VAT1L: variants seen among roughly 807,000 people sequenced by gnomAD.
VAT1L encodes putative NADPH-dependent quinone oxidoreductase VAT1L.
A neutral mutation model predicts 44.1 loss-of-function variants in VAT1L; 34 were observed. The ratio of observed to expected loss-of-function variants is 0.77; its 90% confidence interval spans 0.59 to 1.03. The LOEUF (loss-of-function observed/expected upper bound fraction) is 1.03, where lower values mean the gene tolerates loss of function less well. Ranked by LOEUF, VAT1L falls within the 50% of genes least tolerant of loss-of-function variation. The pLI is 0.00. For missense variants in VAT1L, 615 were observed against 538.8 expected (o/e 1.14, Z -1.40); for synonymous variants, 253 against 202.2 (o/e 1.25, Z -2.13).
rs528585708 is a variant in VAT1L, at chr16:77,860,351, GTGGA to G, written c.580-2396_580-2393del. Among the ~76,000 whole-genome samples, 977 of 152,294 alleles carry G rather than the reference GTGGA, an allele frequency of 6.4e-3. 9 individuals are homozygous for G. The highest frequency in any genetic ancestry group is 0.014 in the Middle Eastern group (4 of 294). On this transcript the variant is annotated intron_variant, in intron 3 of 8. Coordinates refer to ENST00000302536, the MANE Select transcript of VAT1L (RefSeq NM_020927.3). ...GATGTGTCGCTTTTGGGACAGCCAG[GTGGA>G]GACAAATGCCAAAACGATAGAGACC... is the stretch of plus-strand genomic sequence containing the variant.
chr16:77,892,957 A>T (rs2017283805), intron 7 of VAT1L: 3 of 800,074 alleles, frequency 3.7e-6, no homozygotes, highest in Non-Finnish European at 6.5e-6. Context: ...AGACCATTCT[A>T]TCTGTAGCTC....
chr16:77,918,471 C>T (rs1436734726), intron 7 of VAT1L, among the ~76,000 whole-genome samples: 1 of 152,136 alleles, frequency 6.6e-6, no homozygotes, highest in East Asian at 1.9e-4. Flanking sequence ...CACCATCATC[C>T]TGCCGTTAGA....
Position 77,788,876 on chromosome 16 carries a change from A to T in VAT1L, c.194A>T (p.Glu65Val). The change falls in exon 1 of 9, where the codon GAG becomes GTG. Residue 65 changes from glutamate (E) to valine (V), a missense_variant. Glu to Val is a moderately radical substitution (Grantham distance 121, BLOSUM62 -2). Transcript: ENST00000302536. Reference sequence around the variant, plus strand: ...CGGCTCTTCAGGAAGGCCATGCCCGAGCCTCAGGACGGCGAGCTCAAGATC... The same window carrying T: ...CGGCTCTTCAGGAAGGCCATGCCCGTGCCTCAGGACGGCGAGCTCAAGATC... ...KLRLFRKAMP[E>V]PQDGELKIRV... The T allele has an allele frequency of 6.4e-7, 1 of 1,561,846 alleles. No individual in the cohort carries two copies. The highest frequency in any genetic ancestry group is 1.4e-5 in the African/African-American group (1 of 73,474).
At chr16:77,970,704 T>A (rs1438915301) in intron 7 of VAT1L, among the ~76,000 whole-genome samples, 1 of 152,204 alleles carries the variant, frequency 6.6e-6, no homozygotes, top group African/African-American at 2.4e-5. Context: ...TTTTTCCCCA[T>A]AATTTAAATT....
At chr16:77,850,907 T>C (rs1319292906) in intron 3 of VAT1L, among the ~76,000 whole-genome samples, 3 of 152,322 alleles carry the variant, frequency 2.0e-5, no homozygotes, top group Non-Finnish European at 4.4e-5. Context: ...CCACGGTTGC[T>C]GGAGTCCAAC....
intron 7 of VAT1L, among the ~76,000 whole-genome samples, chr16:77,947,789 CTTG>C (rs753561789): frequency 2.4e-4 from 37 of 152,194 alleles, no homozygotes; most frequent in Non-Finnish European, 5.4e-4. Flanking sequence ...GAGTTTCGCT[CTTG>C]TTGTCCAGGC....
chr16:77,935,115 T>C (rs1391493607), intron 7 of VAT1L, among the ~76,000 whole-genome samples: 1 of 152,154 alleles, frequency 6.6e-6, no homozygotes, highest in Non-Finnish European at 1.5e-5. Flanking sequence ...TTCCACTTGG[T>C]CTGGACTTTC....
At chr16:77,795,200 C>T (rs754179287) in intron 1 of VAT1L, among the ~76,000 whole-genome samples, 1 of 151,252 alleles carries the variant, frequency 6.6e-6, no homozygotes, top group African/African-American at 2.4e-5. Flanking sequence ...TCCCATTTTT[C>T]CATTCTGCTG....
Position 77,807,281 on chromosome 16 carries a change from G to A in VAT1L, c.234-9640G>A, listed in dbSNP as rs2016178722. Among the ~76,000 whole-genome samples, 3 of 152,132 alleles carry A rather than the reference G, an allele frequency of 2.0e-5. No individual in the cohort carries two copies. The South Asian group carries it at 6.2e-4, about 32-fold the overall frequency. On this transcript the variant is annotated intron_variant, in intron 1 of 8. Coordinates refer to ENST00000302536, the MANE Select transcript of VAT1L (RefSeq NM_020927.3). Reference sequence around the variant, plus strand: ...CAGTGCTCACTCCCCCAGCTACCAGGAATGATGGCAGCTGACAGCTCACAG... The same window carrying A: ...CAGTGCTCACTCCCCCAGCTACCAGAAATGATGGCAGCTGACAGCTCACAG...
At chr16:77,898,637 C>G (rs1420252642) in intron 7 of VAT1L, among the ~76,000 whole-genome samples, 1 of 150,470 alleles carries the variant, frequency 6.6e-6, no homozygotes, top group Non-Finnish European at 1.5e-5. Flanking sequence ...TGCCCTGGCA[C>G]CCAGTACGAG....
At chr16:77,830,012 T>C (rs747441617) in intron 3 of VAT1L, among the ~76,000 whole-genome samples, 1 of 152,046 alleles carries the variant, frequency 6.6e-6, no homozygotes, top group Non-Finnish European at 1.5e-5. Flanking sequence ...CTGACCCCAT[T>C]TGATGCTGTC....
intron 7 of VAT1L, among the ~76,000 whole-genome samples, chr16:77,968,308 G>A (rs1053524245): frequency 4.6e-5 from 7 of 152,126 alleles, no homozygotes; most frequent in Admixed American, 2.6e-4. Context: ...ACAGTGCAAA[G>A]CAAAAACAAG....
At chr16:77,924,956 A>C (rs1330997175) in intron 7 of VAT1L, among the ~76,000 whole-genome samples, 1 of 152,198 alleles carries the variant, frequency 6.6e-6, no homozygotes, top group Admixed American at 6.5e-5. Flanking sequence ...CCTTTCCATA[A>C]GAATTAAGAT....
chr16:77,886,207 T>A (rs2017207747), intron 7 of VAT1L, among the ~76,000 whole-genome samples: 1 of 152,296 alleles, frequency 6.6e-6, no homozygotes, highest in Non-Finnish European at 1.5e-5. Flanking sequence ...TAATTGCCAA[T>A]ACAGCTAGCC....
At chr16:77,844,206 A>AT (rs1363900324) in intron 3 of VAT1L, among the ~76,000 whole-genome samples, 1 of 152,120 alleles carries the variant, frequency 6.6e-6, no homozygotes, top group African/African-American at 2.4e-5. Context: ...GGTCAAAAAT[A>AT]TTTTTTGAAA....
chr16:77,791,482 A>G (rs190215005), intron 1 of VAT1L, among the ~76,000 whole-genome samples: 1 of 152,270 alleles, frequency 6.6e-6, no homozygotes, highest in Admixed American at 6.5e-5. Flanking sequence ...TGAGATGGGT[A>G]TTTTTCCTAC....
chr16:77,927,344 A>C (rs2017681262), intron 7 of VAT1L, among the ~76,000 whole-genome samples: 1 of 151,540 alleles, frequency 6.6e-6, no homozygotes, highest in Admixed American at 6.6e-5. Context: ...TCTCAAAAAA[A>C]AAAAAAAACA....
chr16:77,954,615 T>C (rs1002082457), intron 7 of VAT1L, among the ~76,000 whole-genome samples: 10 of 152,050 alleles, frequency 6.6e-5, no homozygotes, highest in African/African-American at 1.9e-4. Flanking sequence ...ACAGAGCGAG[T>C]CTGTCTCAAA....
chr16:77,957,284 C>G (rs2018113882), intron 7 of VAT1L, among the ~76,000 whole-genome samples: 1 of 152,056 alleles, frequency 6.6e-6, no homozygotes, highest in South Asian at 2.1e-4. Context: ...ACATAGCTAC[C>G]AATCTATGAG....
Sources: gnomAD v4.1 joint callset for allele counts (sites outside exome capture counted in the v4.1 genomes callset) on GRCh38, gnomAD v4.1.1 for gene constraint, MANE v1.5 for transcripts, NCBI Gene and HGNC (gene_info 2026-07-23, HGNC 2026-07-21) for gene names.